Variants in SPATA16 observed in about 807,000 individuals in gnomAD.
The protein encoded by SPATA16 is spermatogenesis associated 16.
A neutral mutation model predicts 63.3 loss-of-function variants in SPATA16; 36 were observed. The ratio of observed to expected loss-of-function variants is 0.57; its 90% confidence interval spans 0.44 to 0.75. The LOEUF (loss-of-function observed/expected upper bound fraction) is 0.75. Ranked by LOEUF, SPATA16 falls within the 30% of genes least tolerant of loss-of-function variation. SPATA16 has a pLI of 0.00. For synonymous variants in SPATA16, 203 were observed against 216.7 expected, an observed-to-expected ratio of 0.94 and a Z score of 0.56; for missense variants, 646 against 679.3, an observed-to-expected ratio of 0.95 and a Z score of 0.54.
At chr3:173,077,974 T>A (rs1055052426) in intron 2 of SPATA16, among the ~76,000 whole-genome samples, 1 of 152,130 alleles carries the variant, frequency 6.6e-6, no homozygotes, top group African/African-American at 2.4e-5. Flanking sequence ...CATGAGGAAA[T>A]GTGATAATTA....
chr3:173,130,811 C>T (rs532345436), intron 1 of SPATA16, among the ~76,000 whole-genome samples: 2 of 152,024 alleles, frequency 1.3e-5, no homozygotes, highest in African/African-American at 2.4e-5. Flanking sequence ...ATATACTTAT[C>T]CTTGGTAAAA....
At chr3:172,917,677 G>A (rs1560066340) in intron 8 of SPATA16, among the ~76,000 whole-genome samples, 1 of 152,280 alleles carries the variant, frequency 6.6e-6, no homozygotes, top group East Asian at 1.9e-4. Flanking sequence ...TTAAAGCTTA[G>A]TATCTGAGTA....
intron 2 of SPATA16, among the ~76,000 whole-genome samples, chr3:173,085,667 C>G (rs1441648536): frequency 6.6e-6 from 1 of 151,950 alleles, no homozygotes; most frequent in Non-Finnish European, 1.5e-5. Flanking sequence ...AAAAATGGCT[C>G]TTATTATTTG....
At chr3:172,987,547 C>T (rs1196887237) in intron 4 of SPATA16, among the ~76,000 whole-genome samples, 1 of 152,126 alleles carries the variant, frequency 6.6e-6, no homozygotes, top group African/African-American at 2.4e-5. Context: ...AACATGGATC[C>T]TGAAATTTTA....
intron 4 of SPATA16, among the ~76,000 whole-genome samples, chr3:172,986,681 G>T (rs1445045115): frequency 6.6e-6 from 1 of 152,162 alleles, no homozygotes. Context: ...GCAGGGGGGG[G>T]AATGCAGAGG....
intron 4 of SPATA16, among the ~76,000 whole-genome samples, chr3:173,006,220 G>C (rs979362940): frequency 1.3e-5 from 2 of 152,074 alleles, no homozygotes; most frequent in African/African-American, 4.8e-5. Context: ...GATATTTAGG[G>C]AACAGGAAAG....
At chr3:173,108,291 A>C (rs1037267384) in intron 2 of SPATA16, among the ~76,000 whole-genome samples, 1 of 152,296 alleles carries the variant, frequency 6.6e-6, no homozygotes, top group Non-Finnish European at 1.5e-5. Flanking sequence ...TTGTTTTTTA[A>C]ATGAATATGA....
intron 1 of SPATA16, among the ~76,000 whole-genome samples, chr3:173,139,697 A>G (rs1463208721): frequency 6.6e-6 from 1 of 152,194 alleles, no homozygotes; most frequent in Non-Finnish European, 1.5e-5. Context: ...TCTTAATTAG[A>G]AAGAATAGCC....
chr3:173,060,113 C>A (rs369524764), intron 2 of SPATA16, among the ~76,000 whole-genome samples: 1 of 151,814 alleles, frequency 6.6e-6, no homozygotes, highest in Non-Finnish European at 1.5e-5. Context: ...AAAAATTAGC[C>A]GGGCATGGTT....
At chr3:172,898,674 G>A (rs955025576) in intron 10 of SPATA16, among the ~76,000 whole-genome samples, 1 of 150,440 alleles carries the variant, frequency 6.6e-6, no homozygotes, top group East Asian at 1.9e-4. Context: ...GCTCCTTGTG[G>A]CATTGATTTT....
At chr3:173,010,355 G>GTTGCTCTGTTACAAGGCCCAC (rs1443447342) in intron 4 of SPATA16, among the ~76,000 whole-genome samples, 1 of 152,010 alleles carries the variant, frequency 6.6e-6, no homozygotes, top group African/African-American at 2.4e-5. Context: ...CCTGCCCTAC[G>GTTGCTCTGTTACAAGGCCCAC]TTGCTCTGTT....
At chr3:173,070,861 A>G (rs1225212659) in intron 2 of SPATA16, among the ~76,000 whole-genome samples, 1 of 152,238 alleles carries the variant, frequency 6.6e-6, no homozygotes, top group Non-Finnish European at 1.5e-5. Flanking sequence ...TGGAACAACC[A>G]ATATGGTTAA....
Position 173,071,804 on chromosome 3 carries a change from AC to A in SPATA16, c.613-22711del, listed in dbSNP as rs746297797. Among the ~76,000 whole-genome samples, 10 of 152,328 alleles carry A rather than the reference AC, an allele frequency of 6.6e-5. No homozygotes were observed. In the East Asian group the frequency reaches 9.6e-4, roughly 15 times the overall value. On this transcript the variant is annotated intron_variant, in intron 2 of 10. Transcript: ENST00000351008. ...AAAATGGCTTTTATCTGGCCAAAAA[AC>A]ATGAAAGAATGCTCAACGTCACTAA... is the stretch of plus-strand genomic sequence containing the variant.
At chr3:173,069,831 A>G (rs1736622490) in intron 2 of SPATA16, among the ~76,000 whole-genome samples, 1 of 152,252 alleles carries the variant, frequency 6.6e-6, no homozygotes, top group African/African-American at 2.4e-5. Flanking sequence ...ATAGTTCAAC[A>G]TACACACATC....
intron 2 of SPATA16, 64 bp downstream of exon 2, chr3:173,117,056 T>C: frequency 1.3e-6 from 2 of 1,509,696 alleles, no homozygotes; most frequent in East Asian, 2.3e-5. Flanking sequence ...AACCCCTCAA[T>C]GTAATTGCAA....
chr3:172,998,808 G>A (rs548748043), intron 4 of SPATA16, among the ~76,000 whole-genome samples: 2 of 152,062 alleles, frequency 1.3e-5, no homozygotes, highest in South Asian at 2.1e-4. Context: ...ATGATTATGC[G>A]ATTCTTCTTC....
chr3:172,958,902 C>T (rs1328160803), intron 5 of SPATA16, among the ~76,000 whole-genome samples: 1 of 152,094 alleles, frequency 6.6e-6, no homozygotes, highest in African/African-American at 2.4e-5. Context: ...GATTCTGTCT[C>T]CAACTGTGGC....
At chr3:172,962,308 T>TACATAGTG (rs529471411) in intron 5 of SPATA16, among the ~76,000 whole-genome samples, 125 of 138,036 alleles carry the variant, frequency 9.1e-4, no homozygotes, top group African/African-American at 3.2e-3. Flanking sequence ...AAGATGGCAC[T>TACATAGTG]ACATAGTGGA....
chr3:173,067,611 A>C (rs1736553264), intron 2 of SPATA16, among the ~76,000 whole-genome samples: 1 of 152,162 alleles, frequency 6.6e-6, no homozygotes, highest in Non-Finnish European at 1.5e-5. Flanking sequence ...TGGGAAAAAA[A>C]AGAAAAAAAG....
Sources: gnomAD v4.1 joint callset for allele counts (sites outside exome capture counted in the v4.1 genomes callset) on GRCh38, gnomAD v4.1.1 for gene constraint, MANE v1.5 for transcripts, NCBI Gene and HGNC (gene_info 2026-07-23, HGNC 2026-07-21) for gene names.